F13A1: variants seen among roughly 807,000 people sequenced by gnomAD.
F13A1 encodes the protein FSF, A subunit.
A neutral mutation model predicts 80.1 loss-of-function variants in F13A1; 47 were observed. The observed-to-expected ratio is 0.59, with a 90% CI of 0.46 to 0.75. F13A1 has a LOEUF of 0.75. Ranked by LOEUF, F13A1 falls within the 30% of genes least tolerant of loss-of-function variation. The pLI is 0.00. For missense variants in F13A1, 817 were observed against 930.4 expected, an observed-to-expected ratio of 0.88 and a Z score of 1.59; for synonymous variants, 349 against 344.9, an observed-to-expected ratio of 1.01 and a Z score of -0.13.
At chr6:6,217,288 C>G (rs28469890) in intron 8 of F13A1, among the ~76,000 whole-genome samples, 3 of 151,982 alleles carry the variant, frequency 2.0e-5, no homozygotes, top group African/African-American at 4.8e-5. Flanking sequence ...CAAATGTCCA[C>G]AAATGATAGA....
At chr6:6,160,617 G>C (rs1209696489) in intron 13 of F13A1, among the ~76,000 whole-genome samples, 1 of 152,150 alleles carries the variant, frequency 6.6e-6, no homozygotes, top group Non-Finnish European at 1.5e-5. Flanking sequence ...GATTACAGGT[G>C]TGAGCCACTG....
intron 3 of F13A1, among the ~76,000 whole-genome samples, chr6:6,269,175 T>C (rs1029292257): frequency 1.3e-5 from 2 of 152,146 alleles, no homozygotes; most frequent in African/African-American, 4.8e-5. Flanking sequence ...GCTCTAACAC[T>C]TCTGTGTGAT....
chr6:6,160,829 C>T (rs1177239304), intron 13 of F13A1, among the ~76,000 whole-genome samples: 2 of 150,216 alleles, frequency 1.3e-5, no homozygotes, highest in African/African-American at 4.9e-5. Context: ...CTCTTGGAAA[C>T]AGTCAATTGT....
chr6:6,294,541 C>T lies in F13A1; in HGVS notation c.319+10810G>A, dbSNP rs564382591. ...CACAACACTCACACACACACACACA[C>T]ATATATATATATACACACACGTATA... is the stretch of plus-strand genomic sequence containing the variant. On this transcript the variant is annotated intron_variant, in intron 3 of 14. Transcript: ENST00000264870. Among the ~76,000 whole-genome samples the T allele has an allele frequency of 1.2e-3, 173 of 149,972 alleles. 1 individual carries two copies. Among genetic ancestry groups the T allele is most frequent in the African/African-American group, 4.2e-3 (170 of 40,720 alleles).
At chr6:6,274,859 G>T (rs1406303666) in intron 3 of F13A1, among the ~76,000 whole-genome samples, 1 of 152,188 alleles carries the variant, frequency 6.6e-6, no homozygotes, top group Non-Finnish European at 1.5e-5. Flanking sequence ...AGCTGGGGGA[G>T]TAACCAACTG....
intron 13 of F13A1, among the ~76,000 whole-genome samples, chr6:6,161,581 C>T (rs1760576413): frequency 7.1e-6 from 1 of 140,316 alleles, no homozygotes; most frequent in Admixed American, 7.0e-5. Flanking sequence ...AGAGAGAGAA[C>T]AAGCAACACA....
At chr6:6,313,707 C>G (rs140936585) in intron 2 of F13A1, among the ~76,000 whole-genome samples, 1,750 of 152,094 alleles carry the variant, frequency 0.012, 15 homozygotes, top group Non-Finnish European at 0.018. Flanking sequence ...AAAAATAACT[C>G]TTTCTCACAT....
intron 6 of F13A1, among the ~76,000 whole-genome samples, chr6:6,240,162 A>G (rs9328346): frequency 0.013 from 1,977 of 152,288 alleles, 51 homozygotes; most frequent in African/African-American, 0.045. Context: ...GGGAAAGCAG[A>G]CATTTAGATT....
intron 8 of F13A1, among the ~76,000 whole-genome samples, chr6:6,213,650 A>G (rs1343051373): frequency 0.01 from 1,540 of 149,806 alleles, 12 homozygotes; most frequent in African/African-American, 0.036. Context: ...CTAACATCAT[A>G]ATGACAGGAT....
chr6:6,144,643 A>AAG lies in F13A1; in HGVS notation c.*974_*975dup, dbSNP rs1448889713. On this transcript the variant is annotated 3_prime_UTR_variant, in exon 15 of 15. Coordinates refer to ENST00000264870, the MANE Select transcript of F13A1 (RefSeq NM_000129.4). ...TCTCAACATGGGTGATGTGAAGGAC[A>AAG]AGAGAGAATCAGTGGCTGCAGTCCT... 6 of 152,336 alleles carry AAG rather than the reference A, an allele frequency of 3.9e-5. No homozygotes were observed. In the South Asian group the frequency reaches 1.2e-3, roughly 32 times the overall value. 9.4% of individuals were successfully genotyped at this position (152,336 alleles called of 1,614,324 possible). A position where few individuals can be genotyped will look rare whatever the true frequency, so the allele number is the denominator to read the frequency against.
At chr6:6,219,064 G>A (rs1048943234) in intron 8 of F13A1, among the ~76,000 whole-genome samples, 1 of 152,124 alleles carries the variant, frequency 6.6e-6, no homozygotes, top group African/African-American at 2.4e-5. Context: ...ATGAGAGATT[G>A]TTCTCAGGTC....
chr6:6,231,543 G>C (rs1033504515), intron 6 of F13A1, among the ~76,000 whole-genome samples: 8 of 152,146 alleles, frequency 5.3e-5, no homozygotes, highest in African/African-American at 1.7e-4. Flanking sequence ...CCTTGCTAGA[G>C]ACCTAGACAT....
rs1467332670 is a variant in F13A1 at position 6,219,747 on chromosome 6, C to A, written c.1112+2286G>T. Among the ~76,000 whole-genome samples the A allele has an allele frequency of 2.0e-5, 3 of 152,194 alleles. No individual in the cohort carries two copies. The East Asian group carries it at 5.8e-4, about 29-fold the overall frequency. ...TGCATGGGTGTTTGCACTGGTGAGG[C>A]CAAGTGTCTGCTTTTTCTTTAAAAA... On this transcript the variant is annotated intron_variant, in intron 8 of 14. Transcript: ENST00000264870.
At chr6:6,189,672 C>G (rs552260304) in intron 10 of F13A1, among the ~76,000 whole-genome samples, 1 of 144,534 alleles carries the variant, frequency 6.9e-6, no homozygotes, top group African/African-American at 2.5e-5. Flanking sequence ...TCCTTCATTT[C>G]AACTTTGGTG....
chr6:6,279,986 G>C (rs1193929593), intron 3 of F13A1, among the ~76,000 whole-genome samples: 1 of 152,158 alleles, frequency 6.6e-6, no homozygotes, highest in Non-Finnish European at 1.5e-5. Flanking sequence ...TGTCTTTGGA[G>C]TATATATGAA....
At chr6:6,182,286 A>G in intron 10 of F13A1, 145 bp from the exon 11 acceptor site, 1 of 825,822 alleles carries the variant, frequency 1.2e-6, no homozygotes, top group Middle Eastern at 2.3e-4. Flanking sequence ...TCATAGGGCC[A>G]AACAGGTTTT....
intron 6 of F13A1, among the ~76,000 whole-genome samples, chr6:6,230,708 AC>A (rs1353720596): frequency 6.6e-6 from 1 of 152,092 alleles, no homozygotes; most frequent in Non-Finnish European, 1.5e-5. Context: ...TGCCACCTCC[AC>A]CGGAATAGGC....
At chr6:6,227,074 G>T (rs1757286069) in intron 6 of F13A1, among the ~76,000 whole-genome samples, 1 of 152,204 alleles carries the variant, frequency 6.6e-6, no homozygotes, top group Admixed American at 6.5e-5. Flanking sequence ...TGGGTATTAT[G>T]TAAGTAGGCA....
intron 11 of F13A1, among the ~76,000 whole-genome samples, chr6:6,175,408 C>T (rs918381087): frequency 2.6e-5 from 4 of 152,172 alleles, no homozygotes; most frequent in African/African-American, 9.7e-5. Flanking sequence ...AGGGCTCCTG[C>T]CCCGTTCTTC....
Sources: gnomAD v4.1 joint callset for allele counts (sites outside exome capture counted in the v4.1 genomes callset) on GRCh38, gnomAD v4.1.1 for gene constraint, MANE v1.5 for transcripts, NCBI Gene and HGNC (gene_info 2026-07-23, HGNC 2026-07-21) for gene names.